Variants in AFG2A observed in about 807,000 individuals in gnomAD.
The protein encoded by AFG2A is ATPase family gene 2 protein homolog A.
chr4:123,034,805 A>C, the AFG2A span, among the ~76,000 whole-genome samples: 6 of 152,280 alleles, frequency 3.9e-5, no homozygotes, highest in Non-Finnish European at 8.8e-5. Flanking sequence ...AATAAAATAT[A>C]TTTAAATAAA....
the AFG2A span, among the ~76,000 whole-genome samples, chr4:123,290,794 G>C: frequency 1.3e-5 from 2 of 152,254 alleles, no homozygotes; most frequent in African/African-American, 4.8e-5. Context: ...CTCCCACCGG[G>C]TTCCTCCCAC....
chr4:123,255,541 G>T, the AFG2A span, among the ~76,000 whole-genome samples: 127 of 151,168 alleles, frequency 8.4e-4, no homozygotes, highest in Non-Finnish European at 1.5e-3. Flanking sequence ...ATAGGCGTGA[G>T]CCACCATACC....
chr4:123,261,185 T>G, the AFG2A span, among the ~76,000 whole-genome samples: 1 of 152,172 alleles, frequency 6.6e-6, no homozygotes, highest in African/African-American at 2.4e-5. Flanking sequence ...AACCTACTTT[T>G]CCTGCCTAAT....
the AFG2A span, among the ~76,000 whole-genome samples, chr4:122,925,533 C>T: frequency 6.6e-6 from 1 of 152,110 alleles, no homozygotes; most frequent in African/African-American, 2.4e-5. Context: ...CCTGAGGATG[C>T]GCCATACCCC....
chr4:123,021,606 G>C, the AFG2A span, among the ~76,000 whole-genome samples: 7 of 152,282 alleles, frequency 4.6e-5, no homozygotes, highest in African/African-American at 1.4e-4. Context: ...CTCTCAGTGT[G>C]TCTCACAGAG....
the AFG2A span, among the ~76,000 whole-genome samples, chr4:123,187,857 A>G: frequency 6.6e-6 from 1 of 152,026 alleles, no homozygotes; most frequent in Non-Finnish European, 1.5e-5. Flanking sequence ...TTAGCTGGGT[A>G]TAGTGGCACA....
chr4:123,227,949 C>G, the AFG2A span, among the ~76,000 whole-genome samples: 1 of 152,026 alleles, frequency 6.6e-6, no homozygotes, highest in African/African-American at 2.4e-5. Context: ...TGAATTGATC[C>G]CTTTACCATT....
chr4:123,243,213 G>T, the AFG2A span, among the ~76,000 whole-genome samples: 1 of 152,182 alleles, frequency 6.6e-6, no homozygotes, highest in Admixed American at 6.5e-5. Flanking sequence ...TCTAGAACTA[G>T]AAATACCATT....
chr4:123,077,618 A>G, the AFG2A span, among the ~76,000 whole-genome samples: 1 of 152,136 alleles, frequency 6.6e-6, no homozygotes, highest in Non-Finnish European at 1.5e-5. Flanking sequence ...GGCCATATGG[A>G]TATCTGCACA....
the AFG2A span, among the ~76,000 whole-genome samples, chr4:123,057,441 T>C: frequency 0.014 from 2,168 of 152,326 alleles, 54 homozygotes; most frequent in African/African-American, 0.05. Flanking sequence ...TTTCCTCTTA[T>C]ACCCATTAAA....
chr4:123,079,579 T>C, the AFG2A span, among the ~76,000 whole-genome samples: 4 of 152,036 alleles, frequency 2.6e-5, no homozygotes, highest in Admixed American at 2.6e-4. Context: ...GAATTCTGTT[T>C]TATCTAGTAG....
chr4:122,999,902 A>G, the AFG2A span, among the ~76,000 whole-genome samples: 6,198 of 152,038 alleles, frequency 0.041, 405 homozygotes, highest in African/African-American at 0.14. Context: ...CTTGGGCAGT[A>G]TGGCCATTTT....
At chr4:123,149,798 CTTTTTTTTT>C in the AFG2A span, among the ~76,000 whole-genome samples, 1 of 121,610 alleles carries the variant, frequency 8.2e-6, no homozygotes, top group African/African-American at 4.1e-5. Context: ...TAGGAAATAG[CTTTTTTTTT>C]TTTTTTTTTT....
chr4:122,968,495 A>G, the AFG2A span, among the ~76,000 whole-genome samples: 3 of 152,198 alleles, frequency 2.0e-5, no homozygotes, highest in Admixed American at 6.5e-5. Context: ...TTCGAATGCC[A>G]TAGATCAGTT....
At chr4:123,098,281 A>G in the AFG2A span, among the ~76,000 whole-genome samples, 1 of 152,020 alleles carries the variant, frequency 6.6e-6, no homozygotes, top group Non-Finnish European at 1.5e-5. Context: ...AGAGTACAAC[A>G]TGTTGTTTTG....
chr4:123,280,268 T>C, the AFG2A span, among the ~76,000 whole-genome samples: 1,711 of 152,260 alleles, frequency 0.011, 30 homozygotes, highest in African/African-American at 0.038. Flanking sequence ...GGAAATAATA[T>C]ATAGGGTACT....
At chr4:123,199,467 T>TG in the AFG2A span, among the ~76,000 whole-genome samples, 7 of 129,400 alleles carry the variant, frequency 5.4e-5, no homozygotes. Flanking sequence ...CAGAGGTTTT[T>TG]TTTTTTTTTT....
the AFG2A span, among the ~76,000 whole-genome samples, chr4:122,988,315 CCATAAAGCCTAAAGAACTCCAAATA>C: frequency 0.012 from 1,805 of 149,942 alleles, 42 homozygotes; most frequent in African/African-American, 0.041. Flanking sequence ...AGATTTGAAT[CCATAAAGCCTAAAGAACTCCAAATA>C]CACTAAAACA....
the AFG2A span, among the ~76,000 whole-genome samples, chr4:122,947,811 A>G: frequency 1.3e-5 from 2 of 152,162 alleles, no homozygotes; most frequent in African/African-American, 4.8e-5. Context: ...AAAAAAGTTA[A>G]AACAGTAAAA....
Sources: allele counts gnomAD v4.1 joint callset (sites outside exome capture counted in the v4.1 genomes callset), GRCh38; gene constraint gnomAD v4.1.1; transcripts MANE v1.5; gene names NCBI Gene and HGNC (gene_info 2026-07-23, HGNC 2026-07-21).